Variants in ANKRD28 observed in about 807,000 individuals in gnomAD.
ANKRD28 encodes ankyrin repeat domain 28.
Under a neutral mutation model 126.5 loss-of-function variants are expected in ANKRD28, and 44 were observed. The observed-to-expected ratio is 0.35, with a 90% CI of 0.27 to 0.45. The LOEUF (loss-of-function observed/expected upper bound fraction) is 0.45, where lower values mean the gene tolerates loss of function less well. ANKRD28 is among the 20% of genes least tolerant of loss of function. The pLI, the probability that ANKRD28 is intolerant of heterozygous loss-of-function variation, is 1.00. For missense variants in ANKRD28, 1,110 were observed against 1,316.6 expected (o/e 0.84, Z 2.43); for synonymous variants, 442 against 468.5 (o/e 0.94, Z 0.73).
At chr3:15,723,574 C>T (rs1227742147) in intron 7 of ANKRD28, among the ~76,000 whole-genome samples, 1 of 152,078 alleles carries the variant, frequency 6.6e-6, no homozygotes, top group Non-Finnish European at 1.5e-5. Flanking sequence ...AGGAGGGTCA[C>T]TTGAGGTCAA....
intron 1 of ANKRD28, among the ~76,000 whole-genome samples, chr3:15,831,089 A>T (rs186482276): frequency 3.3e-5 from 5 of 152,094 alleles, no homozygotes; most frequent in Admixed American, 6.6e-5. Context: ...ACCTTTACCC[A>T]CTGTTGGTTT....
In ANKRD28 at chr3:15,812,007, G is replaced by A. The variant is rs894127746; in HGVS notation, c.28-16701C>T. Among the ~76,000 whole-genome samples, 3 of 151,848 alleles carry A rather than the reference G, an allele frequency of 2.0e-5. No homozygotes were observed. Among genetic ancestry groups the A allele is most frequent in the African/African-American group, 7.3e-5 (3 of 41,352 alleles). On this transcript the variant is annotated intron_variant, in intron 1 of 27. Transcript: ENST00000399451. The surrounding 1 kb of genome is among the most constrained non-coding windows in gnomAD (Gnocchi z 4.1). ...ATCTTTACTAAAAATAGAAAAATTA[G>A]CCAGGCGTGGTGGTACGCACCTGTA... is the stretch of plus-strand genomic sequence containing the variant.
rs767248857 is a variant in ANKRD28, at chr3:15,812,150, C to CAAAAA, written c.28-16845_28-16844insTTTTT. ...CCTGGGCAACAGAGTGAGACTCTGGCAAACAAAACAAAACAAAACAAAACG... is the reference window on the plus strand; with the variant it reads ...CCTGGGCAACAGAGTGAGACTCTGGCAAAAAAAACAAAACAAAACAAAACAAAACG... On this transcript the variant is annotated intron_variant, in intron 1 of 27. Transcript: ENST00000399451. The surrounding 1 kb of genome is among the most constrained non-coding windows in gnomAD (Gnocchi z 4.1). Among the ~76,000 whole-genome samples the CAAAAA allele has an allele frequency of 2.2e-5, 3 of 134,546 alleles. No individual in the cohort carries two copies. The highest frequency in any genetic ancestry group is 5.3e-5 in the African/African-American group (2 of 37,618). 88.3% of individuals were successfully genotyped at this position (134,546 alleles called of 152,430 possible). A position where few individuals can be genotyped will look rare whatever the true frequency, so the allele number is the denominator to read the frequency against.
At chr3:15,734,475 A>C (rs780828281) in intron 6 of ANKRD28, among the ~76,000 whole-genome samples, 1 of 152,206 alleles carries the variant, frequency 6.6e-6, no homozygotes, top group Non-Finnish European at 1.5e-5. Context: ...TTTCCCACCC[A>C]GGAGTTAAAA....
At chr3:15,730,119 T>C (rs908589192) in intron 6 of ANKRD28, among the ~76,000 whole-genome samples, 1 of 152,098 alleles carries the variant, frequency 6.6e-6, no homozygotes, top group African/African-American at 2.4e-5. Flanking sequence ...GCCTCCCAAG[T>C]TGTTGGGATT....
intron 1 of ANKRD28, among the ~76,000 whole-genome samples, chr3:15,837,216 G>C (rs2061345533): frequency 6.6e-6 from 1 of 151,556 alleles, no homozygotes; most frequent in Non-Finnish European, 1.5e-5. Context: ...ATAATGATTA[G>C]AGACTTCTAT....
Position 15,668,614 on chromosome 3 carries a change from TCA to T in ANKRD28, c.*1654_*1655del, listed in dbSNP as rs2066101768. The T allele has an allele frequency of 6.6e-6, 1 of 152,558 alleles. No homozygotes were observed. Among genetic ancestry groups the T allele is most frequent in the South Asian group, 2.1e-4 (1 of 4,836 alleles). The allele number at this position is 152,558 out of a possible 1,614,324, so 9.5% of individuals were successfully genotyped here. A position where few individuals can be genotyped will look rare whatever the true frequency, so the allele number is the denominator to read the frequency against. On this transcript the variant is annotated 3_prime_UTR_variant, in exon 28 of 28. Coordinates refer to ENST00000683139, the MANE Select transcript of ANKRD28 (RefSeq NM_001349278.2). ...AAATACATTATTCATTAAATACAAC[TCA>T]CATCTGTGTTTTATTATACTCTAAA...
intron 18 of ANKRD28, among the ~76,000 whole-genome samples, chr3:15,688,872 G>A (rs1452291270): frequency 1.3e-5 from 2 of 152,192 alleles, no homozygotes; most frequent in Non-Finnish European, 2.9e-5. Flanking sequence ...AAGCCTGTCT[G>A]CATAAATGTT....
intron 14 of ANKRD28, among the ~76,000 whole-genome samples, 186 bp from the exon 15 acceptor site, chr3:15,696,431 A>C (rs1474094243): frequency 3.3e-5 from 5 of 152,156 alleles, no homozygotes; most frequent in Non-Finnish European, 7.4e-5. Flanking sequence ...AATGCAAATG[A>C]AACATTCATG....
chr3:15,726,695 T>C (rs1386690799), intron 6 of ANKRD28, among the ~76,000 whole-genome samples: 2 of 152,246 alleles, frequency 1.3e-5, no homozygotes, highest in African/African-American at 4.8e-5. Flanking sequence ...TGAAGGTGGC[T>C]ACATTAAACA....
At position 15,796,577 on chromosome 3, in the gene ANKRD28, A is replaced by C. The variant is rs950579659; in HGVS notation, c.-56T>G. 30 of 1,229,738 alleles carry C rather than the reference A, an allele frequency of 2.4e-5. No individual in the cohort carries two copies. The highest frequency in any genetic ancestry group is 7.9e-5 in the Admixed American group (3 of 37,932). The allele number at this position is 1,229,738 out of a possible 1,614,324, so 76.2% of individuals were successfully genotyped here. A position where few individuals can be genotyped will look rare whatever the true frequency, so the allele number is the denominator to read the frequency against. ...ATGTGATAAAAGTCACAGTTGGAAG[A>C]GCACAAGTAGTTTTTCCTCCTCTTC... On this transcript the variant is annotated 5_prime_UTR_variant, in exon 1 of 28. Coordinates refer to ENST00000683139, the MANE Select transcript of ANKRD28 (RefSeq NM_001349278.2).
At chr3:15,710,025 C>T (rs772108949) in intron 12 of ANKRD28, among the ~76,000 whole-genome samples, 1 of 128,836 alleles carries the variant, frequency 7.8e-6, no homozygotes, top group African/African-American at 3.0e-5. Flanking sequence ...TAGGAAACAA[C>T]TTGCTTATAG....
chr3:15,747,182 T>A (rs1338935325), intron 4 of ANKRD28, among the ~76,000 whole-genome samples: 1 of 151,464 alleles, frequency 6.6e-6, no homozygotes, highest in African/African-American at 2.4e-5. Flanking sequence ...TTTTTTTTGG[T>A]TTCAATTTCA....
At chr3:15,750,501 T>C (rs1032841270) in intron 4 of ANKRD28, among the ~76,000 whole-genome samples, 4 of 152,196 alleles carry the variant, frequency 2.6e-5, no homozygotes, top group African/African-American at 4.8e-5. Context: ...TCATAAGCTA[T>C]AGCACATCAA....
intron 1 of ANKRD28, among the ~76,000 whole-genome samples, chr3:15,855,857 T>C (rs2061753825): frequency 1.3e-5 from 2 of 152,312 alleles, no homozygotes; most frequent in African/African-American, 4.8e-5. Context: ...ATGGTGATAA[T>C]GGTTTGCCCA....
rs2061688521 is a variant in ANKRD28, at chr3:15,853,193, G to T, written c.27+6184C>A. ...TCATTAATTTTGGCTTTAAATTTAA[G>T]GTATTACTTTGTTACTGATTTGATA... is the stretch of plus-strand genomic sequence containing the variant. On this transcript the variant is annotated intron_variant, in intron 1 of 27. Coordinates refer to the ANKRD28 transcript ENST00000399451. The surrounding 1 kb of genome is among the most constrained non-coding windows in gnomAD (Gnocchi z 4.2). Among the ~76,000 whole-genome samples, 1 of 152,194 alleles carries T rather than the reference G, an allele frequency of 6.6e-6. No homozygotes were observed. Among genetic ancestry groups the T allele is most frequent in the Admixed American group, 6.5e-5 (1 of 15,294 alleles).
chr3:15,825,246 T>C (rs1462290744), intron 1 of ANKRD28, among the ~76,000 whole-genome samples: 1 of 152,076 alleles, frequency 6.6e-6, no homozygotes, highest in East Asian at 1.9e-4. Flanking sequence ...CAACTGGGAG[T>C]AAATTCATGG....
chr3:15,787,508 C>T (rs1359264073), intron 2 of ANKRD28, among the ~76,000 whole-genome samples: 4 of 152,190 alleles, frequency 2.6e-5, no homozygotes, highest in South Asian at 2.1e-4. Context: ...CTTCACTCCA[C>T]GTTCCATACA....
chr3:15,715,151 T>C (rs1299706167), intron 8 of ANKRD28, among the ~76,000 whole-genome samples: 1 of 152,226 alleles, frequency 6.6e-6, no homozygotes, highest in African/African-American at 2.4e-5. Context: ...TGCACACATA[T>C]ATATTTCATG....
Sources: allele counts gnomAD v4.1 joint callset (sites outside exome capture counted in the v4.1 genomes callset), GRCh38; gene constraint gnomAD v4.1.1; non-coding constraint Gnocchi (gnomAD v3.1); transcripts MANE v1.5; gene names NCBI Gene and HGNC (gene_info 2026-07-23, HGNC 2026-07-21).